The following EIF2S3 variants were observed in gnomAD, a reference collection of about 807,000 sequenced individuals.
The protein encoded by EIF2S3 is eukaryotic translation initiation factor 2 subunit 3.
EIF2S3 carries 2 observed loss-of-function variants against 31.7 expected under a neutral mutation model. That is an observed-to-expected ratio of 0.06 (90% CI 0.03 to 0.20). The LOEUF (loss-of-function observed/expected upper bound fraction) is 0.20. EIF2S3 is among the 10% of genes least tolerant of loss of function. The pLI, the probability that EIF2S3 is intolerant of heterozygous loss-of-function variation, is 1.00. For synonymous variants in EIF2S3, 120 were observed against 126.7 expected, an observed-to-expected ratio of 0.95 and a Z score of 0.36; for missense variants, 96 against 359.3, an observed-to-expected ratio of 0.27 and a Z score of 5.92.
intron 9 of EIF2S3, among the ~76,000 whole-genome samples, chrX:24,070,090 G>A (rs1930642105): frequency 9.1e-6 from 1 of 109,540 alleles, no homozygotes; most frequent in Non-Finnish European, 1.9e-5. Context: ...AGTCTTGGCT[G>A]GGCGTGGTGG....
At chrX:24,056,865 A>G (rs1377485462) in intron 2 of EIF2S3, among the ~76,000 whole-genome samples, 1 of 111,480 alleles carries the variant, frequency 9.0e-6, no homozygotes, top group Non-Finnish European at 1.9e-5. Context: ...TCTGTCCCAG[A>G]GTATATTTTT....
At chrX:24,070,013 A>G (rs1306548661) in intron 9 of EIF2S3, among the ~76,000 whole-genome samples, 1 of 109,771 alleles carries the variant, frequency 9.1e-6, no homozygotes, top group East Asian at 2.9e-4. Flanking sequence ...TAAACATAGG[A>G]TAGAATACTG....
At chrX:24,067,819 C>T (rs1930602015) in intron 8 of EIF2S3, 145 bp from the exon 9 acceptor site, 1 of 586,884 alleles carries the variant, frequency 1.7e-6, no homozygotes, top group Non-Finnish European at 2.6e-6. Context: ...AACTCCTGAC[C>T]TCAGGTGATC....
chrX:24,056,034 A>C (rs1296322130), intron 2 of EIF2S3, among the ~76,000 whole-genome samples: 1 of 112,238 alleles, frequency 8.9e-6, no homozygotes, highest in Non-Finnish European at 1.9e-5. Flanking sequence ...TTGATGTACA[A>C]GCTGTGATTA....
intron 7 of EIF2S3, among the ~76,000 whole-genome samples, chrX:24,064,781 A>G (rs1265802570): frequency 9.0e-6 from 1 of 111,669 alleles, no homozygotes; most frequent in African/African-American, 3.3e-5. Context: ...ATGAGCTGAG[A>G]TCGCGCCATT....
intron 11 of EIF2S3, among the ~76,000 whole-genome samples, chrX:24,075,026 G>T (rs1220251517): frequency 9.3e-6 from 1 of 107,820 alleles, no homozygotes; most frequent in Non-Finnish European, 1.9e-5. Flanking sequence ...CACCACACCC[G>T]GCTAATTTTT....
chrX:24,070,192 CAA>C (rs754310000), intron 9 of EIF2S3, among the ~76,000 whole-genome samples: 4 of 74,698 alleles, frequency 5.4e-5, no homozygotes. Context: ...ACTAAAAATA[CAA>C]AAAAAAAAAA....
chrX:24,055,934 T>C (rs145684267), intron 2 of EIF2S3, among the ~76,000 whole-genome samples: 3 of 112,087 alleles, frequency 2.7e-5, no homozygotes, highest in African/African-American at 9.7e-5. Flanking sequence ...TATGTAGTCA[T>C]ATGTAGCAGA....
In EIF2S3 at chrX:24,073,347, G is replaced by T. The variant is rs372489160; in HGVS notation, c.1355+84G>T. ...AAAAAAGCACACAATCTTCCTTGAG[G>T]ACAACAGTTACTGTGGCTTTCAGTC... On this transcript the variant is annotated intron_variant, in intron 11 of 11. Coordinates refer to ENST00000253039, the MANE Select transcript of EIF2S3 (RefSeq NM_001415.4). The T allele has an allele frequency of 2.0e-4, 214 of 1,076,371 alleles. 4 individuals carry two copies. In the East Asian group the frequency reaches 2.5e-3, roughly 12 times the overall value. The allele number at this position is 1,076,371 out of a possible 1,213,427, so 88.7% of individuals were successfully genotyped here. A position where few individuals can be genotyped will look rare whatever the true frequency, so the allele number is the denominator to read the frequency against.
chrX:24,075,165 T>C (rs1485093886), intron 11 of EIF2S3, among the ~76,000 whole-genome samples: 2 of 110,613 alleles, frequency 1.8e-5, no homozygotes, highest in Non-Finnish European at 3.8e-5. Flanking sequence ...ACGCCTGACC[T>C]CTTTCTTCTT....
chrX:24,069,451 A>C (rs1272599255), intron 9 of EIF2S3, among the ~76,000 whole-genome samples: 3 of 107,656 alleles, frequency 2.8e-5, no homozygotes, highest in Admixed American at 1.0e-4. Context: ...GCTCATGCTC[A>C]TAATTCCAGT....
At position 24,064,328 on chromosome X, in the gene EIF2S3, G is replaced by A. The variant is rs1300197092; in HGVS notation, c.765G>A (p.Arg255=). 1 of 1,178,482 alleles carries A rather than the reference G, an allele frequency of 8.5e-7. No homozygotes were observed. The highest frequency in any genetic ancestry group is 1.1e-6 in the Non-Finnish European group (1 of 882,307). Residue 255 remains arginine (R), a synonymous_variant, in exon 7 of 12, where the codon CGG becomes CGA. Transcript: ENST00000253039. ...CAAGAGACTTTACTTCAGAGCCCCGGCTTATTGGTAAGTGATAGGATTTGC... is the reference window on the plus strand; with the variant it reads ...CAAGAGACTTTACTTCAGAGCCCCGACTTATTGGTAAGTGATAGGATTTGC... ...VPPRDFTSEP[R]LIVIRSFDVN...
chrX:24,058,037 T>C (rs1930430064), intron 4 of EIF2S3, among the ~76,000 whole-genome samples: 1 of 112,619 alleles, frequency 8.9e-6, no homozygotes, highest in Admixed American at 9.5e-5. Context: ...GAATTTCTTT[T>C]AAACAGCGCT....
At chrX:24,056,841 A>T (rs1235496667) in intron 2 of EIF2S3, among the ~76,000 whole-genome samples, 3 of 111,968 alleles carry the variant, frequency 2.7e-5, no homozygotes, top group Non-Finnish European at 3.8e-5. Flanking sequence ...CCTGGGCAGC[A>T]GCAGGAGACC....
chrX:24,057,393 G>T lies in EIF2S3; in HGVS notation c.134-28G>T, dbSNP rs1930420529. Reference sequence around the variant, plus strand: ...ATTTGGTATGTAATTAAATACACATGAATTAATTTTTTGAACTTTGTCCAT... The same window carrying T: ...ATTTGGTATGTAATTAAATACACATTAATTAATTTTTTGAACTTTGTCCAT... On this transcript the variant is annotated intron_variant, in intron 2 of 11. Coordinates refer to ENST00000253039, the MANE Select transcript of EIF2S3 (RefSeq NM_001415.4). 2.5e-6 allele frequency: 3 copies of T among 1,178,500 alleles called. No homozygotes were observed. In the Admixed American group the frequency reaches 7.8e-5, roughly 31 times the overall value.
In EIF2S3 at chrX:24,067,878, G is replaced by A. The variant is rs767778831; in HGVS notation, c.868-86G>A. 30 of 1,036,289 alleles carry A rather than the reference G, an allele frequency of 2.9e-5. 1 individual carries two copies. In the East Asian group the frequency reaches 6.8e-4, roughly 23 times the overall value. The allele number at this position is 1,036,289 out of a possible 1,213,427, so 85.4% of individuals were successfully genotyped here. On this transcript the variant is annotated intron_variant, in intron 8 of 11. Transcript: ENST00000253039. ...GCTAGGATTACACATGTGAGCCACC[G>A]CACCCAGTCCCTGTTGGAACTTTTG...
chrX:24,067,440 G>C (rs1207491145), intron 8 of EIF2S3, among the ~76,000 whole-genome samples: 2 of 109,253 alleles, frequency 1.8e-5, no homozygotes, highest in Non-Finnish European at 3.8e-5. Context: ...GACTTGTGTG[G>C]TGGGTAGTTA....
chrX:24,071,484 C>T (rs774816142), intron 9 of EIF2S3, 74 bp from the exon 10 acceptor site: 1 of 1,090,129 alleles, frequency 9.2e-7, no homozygotes, highest in Admixed American at 2.7e-5. Flanking sequence ...GCCACTGCAC[C>T]TGGCCAACTA....
At chrX:24,057,576 C>CT (rs751699394) in intron 3 of EIF2S3, 28 bp downstream of exon 3, 2 of 1,207,668 alleles carry the variant, frequency 1.7e-6, no homozygotes, top group South Asian at 3.5e-5. Context: ...GAACGAGAAA[C>CT]TAACTTTAAT....
Sources: gnomAD v4.1 joint callset for allele counts (sites outside exome capture counted in the v4.1 genomes callset) on GRCh38, gnomAD v4.1.1 for gene constraint, MANE v1.5 for transcripts, NCBI Gene and HGNC (gene_info 2026-07-23, HGNC 2026-07-21) for gene names.